The following UBE2V2 variants were observed in gnomAD, a reference collection of about 807,000 sequenced individuals.
UBE2V2 encodes ubiquitin-conjugating enzyme E2 variant 2.
A neutral mutation model predicts 17.2 loss-of-function variants in UBE2V2; 9 were observed. That is an observed-to-expected ratio of 0.52 (90% CI 0.32 to 0.91). The LOEUF is 0.91. Ranked by LOEUF, UBE2V2 falls within the 40% of genes least tolerant of loss-of-function variation. UBE2V2 has a pLI of 0.04. For synonymous variants in UBE2V2, 61 were observed against 57.5 expected (o/e 1.06, Z -0.28); for missense variants, 133 against 182.6 (o/e 0.73, Z 1.56).
intron 1 of UBE2V2, among the ~76,000 whole-genome samples, chr8:48,016,402 T>C (rs1338538663): frequency 6.6e-6 from 1 of 152,190 alleles, no homozygotes. Context: ...TTTCTCCATA[T>C]GGTTGTACTA....
At chr8:48,002,794 G>T in the UBE2V2 span, among the ~76,000 whole-genome samples, 1 of 152,150 alleles carries the variant, frequency 6.6e-6, no homozygotes, top group East Asian at 1.9e-4. Flanking sequence ...CTTGCAAATG[G>T]CTGAGAATAG....
chr8:48,046,248 T>C (rs2091498186), intron 2 of UBE2V2, among the ~76,000 whole-genome samples: 1 of 151,974 alleles, frequency 6.6e-6, no homozygotes, highest in African/African-American at 2.4e-5. Context: ...GCCTCCCGAG[T>C]AGTGGGACTA....
chr8:48,021,244 A>C (rs572792063), intron 1 of UBE2V2, among the ~76,000 whole-genome samples: 35 of 142,524 alleles, frequency 2.5e-4, no homozygotes, highest in African/African-American at 9.2e-4. Flanking sequence ...CGCCCAGCTA[A>C]TTTTTTGTAT....
chr8:48,013,303 C>G (rs534247114), intron 1 of UBE2V2, among the ~76,000 whole-genome samples: 1 of 148,890 alleles, frequency 6.7e-6, no homozygotes, highest in Non-Finnish European at 1.5e-5. Flanking sequence ...TACATTGTAA[C>G]GTGAAACTTT....
intron 1 of UBE2V2, among the ~76,000 whole-genome samples, chr8:48,025,441 T>TA (rs2154507135): frequency 6.6e-6 from 1 of 151,382 alleles, no homozygotes; most frequent in South Asian, 2.1e-4. Flanking sequence ...TTATTATTAT[T>TA]TTTTTTTTGT....
At chr8:48,059,804 C>G (rs1563861976) in intron 3 of UBE2V2, among the ~76,000 whole-genome samples, 1 of 152,126 alleles carries the variant, frequency 6.6e-6, no homozygotes, top group Non-Finnish European at 1.5e-5. Flanking sequence ...AAGGAAAGCT[C>G]TGTGTGAGTG....
At chr8:48,028,338 CTTTT>C (rs775995878) in intron 1 of UBE2V2, among the ~76,000 whole-genome samples, 2 of 127,318 alleles carry the variant, frequency 1.6e-5, no homozygotes, top group African/African-American at 2.9e-5. Context: ...CGGCTGTTTT[CTTTT>C]TTTTTTTTTT....
intron 1 of UBE2V2, among the ~76,000 whole-genome samples, chr8:48,027,152 T>C (rs1449159249): frequency 6.6e-6 from 1 of 152,122 alleles, no homozygotes; most frequent in Non-Finnish European, 1.5e-5. Flanking sequence ...AAGCCTGCGC[T>C]ACCATGCCTG....
chr8:48,052,216 A>G lies in UBE2V2; in HGVS notation c.291+2238A>G, dbSNP rs184444695. On this transcript the variant is annotated intron_variant, in intron 3 of 3. Coordinates refer to ENST00000523111, the MANE Select transcript of UBE2V2 (RefSeq NM_003350.3). Reference sequence around the variant, plus strand: ...TAAAGCATATGAGTACACAGAAAAGATATTATTTAGGGAATGTCCTGTGTG... The same window carrying G: ...TAAAGCATATGAGTACACAGAAAAGGTATTATTTAGGGAATGTCCTGTGTG... Among the ~76,000 whole-genome samples, 14 of 152,328 alleles carry G rather than the reference A, an allele frequency of 9.2e-5. No homozygotes were observed. The East Asian group carries it at 2.7e-3, about 29-fold the overall frequency.
In UBE2V2 at chr8:48,012,474, T is replaced by C. The variant is rs139637965; in HGVS notation, c.16+4004T>C. On this transcript the variant is annotated intron_variant, in intron 1 of 3. Coordinates refer to ENST00000523111, the MANE Select transcript of UBE2V2 (RefSeq NM_003350.3). ...TGGCTCACACCTGTAATCCCAGCAC[T>C]TTGGGAGGCCGAGGTGGGCGGATTA... 4.6e-5 allele frequency among the ~76,000 whole-genome samples: 7 copies of C among 152,236 alleles called. No individual in the cohort carries two copies. The East Asian group carries it at 1.4e-3, about 29-fold the overall frequency.
intron 1 of UBE2V2, among the ~76,000 whole-genome samples, chr8:48,038,124 A>T (rs2091437044): frequency 6.6e-6 from 1 of 152,154 alleles, no homozygotes; most frequent in South Asian, 2.1e-4. Flanking sequence ...TAAATAAAAT[A>T]TTTCAAACAC....
intron 3 of UBE2V2, among the ~76,000 whole-genome samples, chr8:48,058,146 C>T (rs1031389782): frequency 2.0e-5 from 3 of 151,708 alleles, no homozygotes; most frequent in African/African-American, 7.3e-5. Context: ...CCAGCCTGGC[C>T]AAGATGACGA....
intron 1 of UBE2V2, among the ~76,000 whole-genome samples, chr8:48,015,121 T>C (rs954229555): frequency 2.0e-5 from 3 of 151,020 alleles, no homozygotes; most frequent in Non-Finnish European, 4.4e-5. Flanking sequence ...CTTCCACCTG[T>C]AGTCCCAGCA....
intron 3 of UBE2V2, among the ~76,000 whole-genome samples, chr8:48,054,562 A>G (rs1000414125): frequency 6.6e-6 from 1 of 152,152 alleles, no homozygotes; most frequent in African/African-American, 2.4e-5. Flanking sequence ...AAGAGTTTGG[A>G]TTATTACTTT....
At chr8:47,998,276 G>A in the UBE2V2 span, among the ~76,000 whole-genome samples, 1 of 152,010 alleles carries the variant, frequency 6.6e-6, no homozygotes, top group African/African-American at 2.4e-5. Flanking sequence ...GTTTTAGAAG[G>A]AGCAGACTGA....
chr8:48,013,510 C>T (rs983782112), intron 1 of UBE2V2, among the ~76,000 whole-genome samples: 22 of 152,058 alleles, frequency 1.4e-4, no homozygotes, highest in Admixed American at 1.1e-3. Flanking sequence ...GGGGTTTCAC[C>T]GTGTTAGCCG....
At chr8:48,029,837 C>G (rs2091370832) in intron 1 of UBE2V2, among the ~76,000 whole-genome samples, 1 of 152,148 alleles carries the variant, frequency 6.6e-6, no homozygotes, top group Non-Finnish European at 1.5e-5. Flanking sequence ...CTTAATATGG[C>G]TTTCTGACTG....
chr8:48,028,010 C>T (rs746277458), intron 1 of UBE2V2, among the ~76,000 whole-genome samples: 8 of 151,780 alleles, frequency 5.3e-5, no homozygotes, highest in Non-Finnish European at 1.2e-4. Flanking sequence ...CCCACCACCA[C>T]GCCTGGCTAA....
chr8:48,043,925 ATT>A (rs747460747), intron 2 of UBE2V2, among the ~76,000 whole-genome samples: 21 of 134,424 alleles, frequency 1.6e-4, no homozygotes, highest in Admixed American at 2.3e-4. Flanking sequence ...CTAGCTTGGG[ATT>A]TTTTTTTTTT....
Sources: allele counts gnomAD v4.1 joint callset (sites outside exome capture counted in the v4.1 genomes callset), GRCh38; gene constraint gnomAD v4.1.1; transcripts MANE v1.5; gene names NCBI Gene and HGNC (gene_info 2026-07-23, HGNC 2026-07-21).